The following OAS2 variants were observed in gnomAD, a reference collection of about 807,000 sequenced individuals.
OAS2 encodes 2'-5'-oligoadenylate synthase 2.
Under a neutral mutation model 71.3 loss-of-function variants are expected in OAS2, and 67 were observed. The ratio of observed to expected loss-of-function variants is 0.94; its 90% CI spans 0.77 to 1.15. The LOEUF (loss-of-function observed/expected upper bound fraction) is 1.15, where lower values mean the gene tolerates loss of function less well. Ranked by LOEUF, OAS2 falls within the 50% of genes most tolerant of loss-of-function variation. The pLI is 0.00. For synonymous variants in OAS2, 327 were observed against 321.8 expected (o/e 1.02, Z -0.17); for missense variants, 789 against 822.5 (o/e 0.96, Z 0.50).
At position 113,009,557 on chromosome 12, in the gene OAS2, T is replaced by G; in HGVS notation, c.*302T>G. On this transcript the variant is annotated 3_prime_UTR_variant, in exon 10 of 10. Coordinates refer to ENST00000392583, the MANE Select transcript of OAS2 (RefSeq NM_002535.3). The stretch of plus-strand genomic sequence containing the variant: ...TCAAACGTTCCCCTGGGTTCACAGA[T>G]CTTTCTGCCTTTGGCTTTTGGCTCC... 9.3e-7 allele frequency: 1 copy of G among 1,073,876 alleles called. No homozygotes were observed. The highest frequency in any genetic ancestry group is 1.1e-6 in the Non-Finnish European group (1 of 887,528). 66.5% of individuals were successfully genotyped at this position (1,073,876 alleles called of 1,614,324 possible).
At chr12:112,989,327 C>T (rs1476311135) in intron 2 of OAS2, among the ~76,000 whole-genome samples, 1 of 152,208 alleles carries the variant, frequency 6.6e-6, no homozygotes, top group Non-Finnish European at 1.5e-5. Context: ...GTCAATCAAA[C>T]CTCTTTCCTT....
chr12:113,008,834 C>T (rs905744641), intron 9 of OAS2, among the ~76,000 whole-genome samples: 7 of 152,068 alleles, frequency 4.6e-5, no homozygotes, highest in East Asian at 1.9e-4. Flanking sequence ...TGCATGTTGG[C>T]CAGGATGTTC....
Position 112,987,139 on chromosome 12 carries a change from C to G in OAS2, c.279C>G (p.Ser93Arg). 28 of 1,614,152 alleles carry G rather than the reference C, an allele frequency of 1.7e-5. No individual in the cohort carries two copies. Among genetic ancestry groups the G allele is most frequent in the Non-Finnish European group, 2.3e-5 (27 of 1,180,018 alleles). The change falls in exon 2 of 10, where the codon AGC becomes AGG. Residue 93 changes from serine to arginine, a missense_variant. Physicochemically the swap from Ser to Arg is moderately radical, Grantham distance 110 (BLOSUM62 -1). Transcript: ENST00000392583. ...DLKQFQDQKR[S>R]QRDILDKTGD... is the part of the protein sequence containing the mutation. Reference sequence around the variant, plus strand: ...AACAATTCCAGGATCAGAAGAGAAGCCAACGTGACATCCTCGATAAAACTG... The same window carrying G: ...AACAATTCCAGGATCAGAAGAGAAGGCAACGTGACATCCTCGATAAAACTG...
At chr12:112,993,742 G>A (rs758996607) in intron 2 of OAS2, among the ~76,000 whole-genome samples, 3 of 151,832 alleles carry the variant, frequency 2.0e-5, no homozygotes, top group Non-Finnish European at 4.4e-5. Flanking sequence ...GGTGGCACAC[G>A]CCTGTGGTCC....
At chr12:112,992,402 A>G (rs1460051344) in intron 2 of OAS2, among the ~76,000 whole-genome samples, 2 of 151,656 alleles carry the variant, frequency 1.3e-5, no homozygotes, top group Non-Finnish European at 2.9e-5. Flanking sequence ...AGAAAAAAAA[A>G]AAAGAAAGAA....
intron 5 of OAS2, 55 bp from the exon 6 acceptor site, chr12:113,002,877 C>G: frequency 6.4e-7 from 1 of 1,553,714 alleles, no homozygotes; most frequent in Non-Finnish European, 8.8e-7. Flanking sequence ...GGAAAAGAAG[C>G]CTTGGGTGGG....
chr12:112,997,293 T>C (rs1165123396), intron 3 of OAS2, among the ~76,000 whole-genome samples: 1 of 152,132 alleles, frequency 6.6e-6, no homozygotes, highest in Non-Finnish European at 1.5e-5. Flanking sequence ...TTTTCATGCT[T>C]GTGGGATGGG....
chr12:112,983,469 C>T lies in OAS2; in HGVS notation c.178-3569C>T, dbSNP rs113011861. Among the ~76,000 whole-genome samples, 558 of 152,322 alleles carry T rather than the reference C, an allele frequency of 3.7e-3. 5 individuals carry two copies. The highest frequency in any genetic ancestry group is 0.013 in the African/African-American group (528 of 41,574). On this transcript the variant is annotated intron_variant, in intron 1 of 9. Coordinates refer to ENST00000392583, the MANE Select transcript of OAS2 (RefSeq NM_002535.3). ...CAAACTCCTGACCTCAGGTGATCCA[C>T]CCGCCTCAGCCTCCCAAAGTACTGG...
At chr12:112,982,444 C>A (rs2044092901) in intron 1 of OAS2, among the ~76,000 whole-genome samples, 1 of 152,114 alleles carries the variant, frequency 6.6e-6, no homozygotes, top group Non-Finnish European at 1.5e-5. Flanking sequence ...ATTTGTCCTT[C>A]ATTATGTTGA....
intron 9 of OAS2, among the ~76,000 whole-genome samples, chr12:113,008,625 G>C (rs2044354724): frequency 6.6e-6 from 1 of 151,968 alleles, no homozygotes; most frequent in Non-Finnish European, 1.5e-5. Context: ...CTTTGGTTTT[G>C]GCTTTTGTTT....
chr12:112,991,088 A>C (rs75633445), intron 2 of OAS2, among the ~76,000 whole-genome samples: 1 of 152,126 alleles, frequency 6.6e-6, no homozygotes, highest in African/African-American at 2.4e-5. Context: ...CTAACTCTCT[A>C]TGCTTCAGCC....
chr12:112,980,293 A>G (rs1429240009), intron 1 of OAS2, among the ~76,000 whole-genome samples: 1 of 152,186 alleles, frequency 6.6e-6, no homozygotes, highest in African/African-American at 2.4e-5. Context: ...GAAATATATA[A>G]TAAATTATTG....
At chr12:113,007,997 C>T in intron 9 of OAS2, 54 bp downstream of exon 9, 1 of 1,279,490 alleles carries the variant, frequency 7.8e-7, no homozygotes, top group Non-Finnish European at 1.1e-6. Context: ...TGAACACTGT[C>T]TCAGCAACCT....
At chr12:113,004,769 G>T (rs757830923) in intron 6 of OAS2, among the ~76,000 whole-genome samples, 165 bp from the exon 7 acceptor site, 1 of 152,184 alleles carries the variant, frequency 6.6e-6, no homozygotes, top group Non-Finnish European at 1.5e-5. Flanking sequence ...TTATCTATTA[G>T]TTTGTAAAAG....
intron 4 of OAS2, 26 bp from the exon 5 acceptor site, chr12:112,998,240 T>C (rs769386455): frequency 1.9e-6 from 3 of 1,601,284 alleles, no homozygotes; most frequent in Admixed American, 3.5e-5. Context: ...CTCAACTGAC[T>C]TTTTTTAATC....
At chr12:112,992,445 G>A (rs1298515331) in intron 2 of OAS2, among the ~76,000 whole-genome samples, 1 of 150,832 alleles carries the variant, frequency 6.6e-6, no homozygotes, top group Non-Finnish European at 1.5e-5. Flanking sequence ...GGGAAGAGAG[G>A]GGAGGGGAAG....
At chr12:113,006,685 C>T in intron 8 of OAS2, 85 bp downstream of exon 8, 2 of 1,232,642 alleles carry the variant, frequency 1.6e-6, no homozygotes, top group Non-Finnish European at 2.2e-6. Context: ...CACAATCTCC[C>T]ATGCTGAGGG....
At position 113,002,949 on chromosome 12, in the gene OAS2, G is replaced by C. The variant is rs1180913355; in HGVS notation, c.1026G>C (p.Thr342=). Residue 342 remains threonine, a synonymous_variant, in exon 6 of 10, where the codon ACG becomes ACC. Transcript: ENST00000392583. ...TTCCCCAGCCTGCACCACTCTTCAC[G>C]ACCCCAGGCCACCTTCTGGATAAGT... ...SWNVLPAPLF[T]TPGHLLDKFI... 6.2e-7 allele frequency: 1 copy of C among 1,613,838 alleles called. No homozygotes were observed. Among genetic ancestry groups the C allele is most frequent in the African/African-American group, 1.3e-5 (1 of 74,870 alleles).
chr12:112,987,368 T>G (rs1346168435), intron 2 of OAS2, 60 bp downstream of exon 2: 9 of 1,602,260 alleles, frequency 5.6e-6, no homozygotes, highest in Non-Finnish European at 6.0e-6. Flanking sequence ...GACAGCTCTG[T>G]GCAACCTCTA....
Sources: gnomAD v4.1 joint callset for allele counts (sites outside exome capture counted in the v4.1 genomes callset) on GRCh38, gnomAD v4.1.1 for gene constraint, MANE v1.5 for transcripts, NCBI Gene and HGNC (gene_info 2026-07-23, HGNC 2026-07-21) for gene names.